TMEM131: variants seen among roughly 807,000 people sequenced by gnomAD.
TMEM131 encodes the protein transmembrane protein 131.
In TMEM131, 66 loss-of-function variants were observed where a neutral mutation model predicts 211.6. The ratio of observed to expected loss-of-function variants is 0.31; its 90% CI spans 0.26 to 0.38. The LOEUF is 0.38. Ranked by LOEUF, TMEM131 falls within the 10% of genes least tolerant of loss-of-function variation. The pLI is 1.00. For missense variants in TMEM131, 2,036 were observed against 2,299.3 expected, an observed-to-expected ratio of 0.89 and a Z score of 2.34; for synonymous variants, 844 against 841.3, an observed-to-expected ratio of 1.00 and a Z score of -0.06.
intron 1 of TMEM131, among the ~76,000 whole-genome samples, chr2:97,992,419 T>A (rs1158674325): frequency 6.6e-6 from 1 of 152,210 alleles, no homozygotes; most frequent in Non-Finnish European, 1.5e-5. Flanking sequence ...AAAAAATTTT[T>A]AAAGTCCTAA....
At chr2:97,922,583 T>C (rs1412875514) in intron 2 of TMEM131, among the ~76,000 whole-genome samples, 1 of 151,760 alleles carries the variant, frequency 6.6e-6, no homozygotes, top group Non-Finnish European at 1.5e-5. Flanking sequence ...ATGCTGTGAA[T>C]CTTAGAAACA....
chr2:97,758,918 G>A lies in TMEM131; in HGVS notation c.5342C>T (p.Ser1781Phe). The A allele has an allele frequency of 6.2e-7, 1 of 1,613,370 alleles. No individual in the cohort carries two copies. Among genetic ancestry groups the A allele is most frequent in the Non-Finnish European group, 8.5e-7 (1 of 1,179,624 alleles). Reference protein sequence around the residue: ...TDPSPSWPASSGSPTHTATSV... With the variant: ...TDPSPSWPASFGSPTHTATSV... ...TGTGGCTGTGTGGGTCGGGGAGCCG[G>A]AACTGGCTGGCCAGGAAGGACTGGG... The change falls in exon 40 of 41, where the codon TCC becomes TTC. Residue 1781 changes from serine to phenylalanine, a missense_variant. Transcript: ENST00000186436.
chr2:97,801,721 C>T (rs1259675133), intron 25 of TMEM131, among the ~76,000 whole-genome samples, 174 bp downstream of exon 25: 2 of 152,128 alleles, frequency 1.3e-5, no homozygotes, highest in African/African-American at 4.8e-5. Flanking sequence ...GATCTAAATC[C>T]CACCTACTCT....
intron 12 of TMEM131, among the ~76,000 whole-genome samples, chr2:97,816,189 A>G (rs1047518572): frequency 3.3e-4 from 50 of 152,046 alleles, no homozygotes; most frequent in African/African-American, 1.1e-3. Flanking sequence ...AAAAACACAA[A>G]AACTAGCCAG....
chr2:97,945,579 A>T (rs896729308), intron 1 of TMEM131, among the ~76,000 whole-genome samples: 2 of 152,122 alleles, frequency 1.3e-5, no homozygotes, highest in African/African-American at 4.8e-5. Flanking sequence ...CAGAGGACAA[A>T]ATGTAATCTC....
intron 3 of TMEM131, among the ~76,000 whole-genome samples, chr2:97,905,619 T>C (rs1355297435): frequency 1.3e-5 from 2 of 152,216 alleles, no homozygotes; most frequent in African/African-American, 2.4e-5. Context: ...TCAAACTCAC[T>C]AAGCTTTTCT....
At chr2:97,787,655 AT>A (rs1292379197) in intron 31 of TMEM131, among the ~76,000 whole-genome samples, 3 of 152,200 alleles carry the variant, frequency 2.0e-5, no homozygotes, top group East Asian at 3.9e-4. Flanking sequence ...AAAACTTAAT[AT>A]GACTATATAT....
At chr2:97,914,790 G>C (rs759021994) in intron 2 of TMEM131, among the ~76,000 whole-genome samples, 10 of 152,170 alleles carry the variant, frequency 6.6e-5, no homozygotes, top group Admixed American at 1.3e-4. Flanking sequence ...AAATACATCT[G>C]GGTTGTTTCC....
At chr2:97,935,369 T>C (rs1427476259) in intron 1 of TMEM131, among the ~76,000 whole-genome samples, 1 of 152,198 alleles carries the variant, frequency 6.6e-6, no homozygotes, top group Non-Finnish European at 1.5e-5. Flanking sequence ...ACACAGGATC[T>C]CTCTGTATAA....
intron 10 of TMEM131, among the ~76,000 whole-genome samples, chr2:97,833,828 T>C (rs1345289447): frequency 1.3e-5 from 2 of 151,962 alleles, no homozygotes; most frequent in Non-Finnish European, 2.9e-5. Flanking sequence ...CAGCAGACTT[T>C]TGTATTATTT....
At position 97,812,712 on chromosome 2, in the gene TMEM131, A is replaced by G. The variant is rs767201874; in HGVS notation, c.1655T>C (p.Ile552Thr). Residue 552 changes from isoleucine (I) to threonine (T), a missense_variant, in exon 16 of 41, where the codon ATA becomes ACA. This residue lies in a region of TMEM131 where 1,623 missense variants were observed against 1,805.9 expected (regional missense o/e 0.90). Transcript: ENST00000186436. ...VLPPKIEERF[I>T]DFGVLSATEA... The stretch of plus-strand genomic sequence containing the variant: ...TGTAGCACTCAGTACTCCAAAATCT[A>G]TGAAACGTTCCTCTATTTTGGGGGG... 1.9e-6 allele frequency: 3 copies of G among 1,593,944 alleles called. No individual in the cohort carries two copies. Among genetic ancestry groups the G allele is most frequent in the Middle Eastern group, 3.4e-4 (2 of 5,854 alleles).
intron 2 of TMEM131, among the ~76,000 whole-genome samples, chr2:97,917,883 C>T (rs1676574293): frequency 6.6e-6 from 1 of 152,054 alleles, no homozygotes; most frequent in South Asian, 2.1e-4. Context: ...ATTTCGGCTT[C>T]CCTAGAGGAG....
At chr2:97,766,737 C>T (rs1679188109) in intron 33 of TMEM131, 135 bp from the exon 34 acceptor site, 1 of 1,063,870 alleles carries the variant, frequency 9.4e-7, no homozygotes, top group Non-Finnish European at 1.4e-6. Flanking sequence ...GTTATCTACC[C>T]TTGGTCCTAA....
chr2:97,787,190 C>T (rs879882791), intron 31 of TMEM131, among the ~76,000 whole-genome samples: 1 of 152,216 alleles, frequency 6.6e-6, no homozygotes, highest in Non-Finnish European at 1.5e-5. Flanking sequence ...ATGTCCTAGA[C>T]ATTTACTTCG....
rs765489386 is a variant in TMEM131 at position 97,812,421 on chromosome 2, C to A, written c.1863G>T (p.Ser621=). The A allele has an allele frequency of 6.3e-7, 1 of 1,597,968 alleles. No individual in the cohort carries two copies. Among genetic ancestry groups the A allele is most frequent in the South Asian group, 1.1e-5 (1 of 87,146 alleles). ...FEKSSLSDQS[S]VTLASGYFAV... is the part of the protein sequence containing the mutation. The stretch of plus-strand genomic sequence containing the variant: ...AGGAGACAATAGAAAGTTTACTTAC[C>A]GATGATTGATCTGATAAAGAGGATT... The change falls in exon 17 of 41, where the codon TCG becomes TCT. Residue 621 remains serine (S), a splice_region_variant and synonymous_variant. Coordinates refer to ENST00000186436, the MANE Select transcript of TMEM131 (RefSeq NM_015348.2).
chr2:97,882,151 A>G (rs1026872210), intron 4 of TMEM131, among the ~76,000 whole-genome samples: 1 of 152,232 alleles, frequency 6.6e-6, no homozygotes, highest in African/African-American at 2.4e-5. Context: ...CAGAAGTTCA[A>G]AATTTAGGAA....
rs1233613279 is a variant in TMEM131, at chr2:97,760,820, C to T, written c.4984G>A (p.Val1662Ile). Reference protein sequence around the residue: ...GKNGNPTFAAVTAGYDKSPGG... With the variant: ...GKNGNPTFAAITAGYDKSPGG... ...GGGCTCTTGTCGTAGCCAGCCGTGA[C>T]TGCAGCAAAAGTGGGGTTGCCGTTC... Residue 1662 changes from valine to isoleucine, a missense_variant, in exon 37 of 41, where the codon GTC becomes ATC. Coordinates refer to ENST00000186436, the MANE Select transcript of TMEM131 (RefSeq NM_015348.2). 1.2e-6 allele frequency: 2 copies of T among 1,614,064 alleles called. No individual in the cohort carries two copies. The highest frequency in any genetic ancestry group is 1.7e-5 in the Admixed American group (1 of 60,034).
intron 4 of TMEM131, among the ~76,000 whole-genome samples, chr2:97,867,925 A>G (rs1324413065): frequency 2.6e-5 from 4 of 152,182 alleles, no homozygotes; most frequent in Non-Finnish European, 4.4e-5. Context: ...ATGAAGATTT[A>G]CAACATTTTT....
At chr2:97,898,488 G>C (rs986781513) in intron 3 of TMEM131, among the ~76,000 whole-genome samples, 2 of 152,082 alleles carry the variant, frequency 1.3e-5, no homozygotes, top group African/African-American at 4.8e-5. Flanking sequence ...AATATAATGG[G>C]ATTAGTATCC....
Sources: allele counts gnomAD v4.1 joint callset (sites outside exome capture counted in the v4.1 genomes callset), GRCh38; gene constraint gnomAD v4.1.1; regional missense constraint gnomAD v4.1.1; transcripts MANE v1.5; gene names NCBI Gene and HGNC (gene_info 2026-07-23, HGNC 2026-07-21).